PTPRO: variants seen among roughly 807,000 people sequenced by gnomAD.
PTPRO encodes protein tyrosine phosphatase receptor type O.
Under a neutral mutation model 145.2 loss-of-function variants are expected in PTPRO, and 62 were observed. The ratio of observed to expected loss-of-function variants is 0.43; its 90% CI spans 0.35 to 0.53. The LOEUF is 0.53. PTPRO is among the 20% of genes least tolerant of loss of function. The pLI is 0.01. For missense variants in PTPRO, 1,345 were observed against 1,482.7 expected, an observed-to-expected ratio of 0.91 and a Z score of 1.53; for synonymous variants, 565 against 514.7, an observed-to-expected ratio of 1.10 and a Z score of -1.32.
intron 17 of PTPRO, among the ~76,000 whole-genome samples, chr12:15,563,420 T>C (rs557116920): frequency 6.6e-6 from 1 of 152,278 alleles, no homozygotes; most frequent in African/African-American, 2.4e-5. Flanking sequence ...GCACAGCAAT[T>C]GAAAATGTAG....
intron 18 of PTPRO, 58 bp downstream of exon 18, chr12:15,565,686 C>T (rs1943880874): frequency 8.3e-7 from 1 of 1,198,220 alleles, no homozygotes; most frequent in African/African-American, 1.5e-5. Flanking sequence ...TCTTAACGTT[C>T]CAATTAAAGA....
chr12:15,580,669 G>C, intron 21 of PTPRO, 28 bp from the exon 22 acceptor site: 1 of 1,613,872 alleles, frequency 6.2e-7, no homozygotes, highest in Non-Finnish European at 8.5e-7. Flanking sequence ...TGTCTGGTTA[G>C]GTGATAATTT....
At chr12:15,438,362 C>G (rs973622128) in intron 1 of PTPRO, among the ~76,000 whole-genome samples, 5 of 151,930 alleles carry the variant, frequency 3.3e-5, no homozygotes, top group African/African-American at 1.2e-4. Context: ...GGTCCCTAGC[C>G]AAAATGGAAA....
At chr12:15,505,332 T>C (rs543042487) in intron 6 of PTPRO, among the ~76,000 whole-genome samples, 1 of 152,336 alleles carries the variant, frequency 6.6e-6, no homozygotes, top group Non-Finnish European at 1.5e-5. Flanking sequence ...TGTCAAGTTG[T>C]AAAATCCCAG....
intron 1 of PTPRO, among the ~76,000 whole-genome samples, chr12:15,406,342 A>T (rs767676139): frequency 6.6e-6 from 1 of 152,244 alleles, no homozygotes; most frequent in Non-Finnish European, 1.5e-5. Flanking sequence ...CCCAGAAAAG[A>T]TATAAAGAGC....
intron 1 of PTPRO, among the ~76,000 whole-genome samples, chr12:15,457,147 T>A (rs1183955503): frequency 6.6e-6 from 1 of 152,192 alleles, no homozygotes; most frequent in Non-Finnish European, 1.5e-5. Flanking sequence ...TTCGGACTCT[T>A]GGACTTGCAT....
At chr12:15,369,902 C>G (rs1334487949) in intron 1 of PTPRO, among the ~76,000 whole-genome samples, 1 of 151,850 alleles carries the variant, frequency 6.6e-6, no homozygotes, top group Non-Finnish European at 1.5e-5. Context: ...AAATACAAAA[C>G]TTAGCCAGGC....
At chr12:15,476,001 G>A (rs753302642) in intron 1 of PTPRO, among the ~76,000 whole-genome samples, 10 of 152,144 alleles carry the variant, frequency 6.6e-5, no homozygotes, top group Non-Finnish European at 1.5e-4. Context: ...TGTAAGGAAA[G>A]CAAAAAGATA....
chr12:15,343,060 G>A (rs139031992), intron 1 of PTPRO, among the ~76,000 whole-genome samples: 97 of 152,154 alleles, frequency 6.4e-4, no homozygotes, highest in African/African-American at 1.6e-3. Context: ...CATTTGCCTT[G>A]TCCATCTTCT....
intron 1 of PTPRO, among the ~76,000 whole-genome samples, chr12:15,384,206 G>C (rs1476225592): frequency 6.6e-6 from 1 of 152,060 alleles, no homozygotes; most frequent in Non-Finnish European, 1.5e-5. Flanking sequence ...AGTTGGTTGG[G>C]GGCCAGGGAG....
intron 1 of PTPRO, among the ~76,000 whole-genome samples, chr12:15,475,850 C>T (rs571563537): frequency 5.3e-5 from 8 of 151,900 alleles, no homozygotes; most frequent in African/African-American, 7.2e-5. Flanking sequence ...TAATTTGTAT[C>T]GACTAGATGA....
At chr12:15,439,350 A>G (rs148349129) in intron 1 of PTPRO, among the ~76,000 whole-genome samples, 3 of 152,266 alleles carry the variant, frequency 2.0e-5, no homozygotes, top group African/African-American at 7.2e-5. Context: ...AGACCATATA[A>G]AGCAACTACA....
At chr12:15,543,285 C>T (rs561293652) in intron 12 of PTPRO, among the ~76,000 whole-genome samples, 5 of 152,298 alleles carry the variant, frequency 3.3e-5, no homozygotes, top group Admixed American at 6.5e-5. Context: ...AAATTTGTTA[C>T]GTGGTTGTTA....
intron 1 of PTPRO, among the ~76,000 whole-genome samples, chr12:15,448,624 CA>C (rs1285722422): frequency 3.3e-5 from 5 of 151,688 alleles, no homozygotes; most frequent in African/African-American, 9.7e-5. Context: ...GGAGGCCTCT[CA>C]AAAAATTAAA....
At chr12:15,353,515 G>A (rs535099394) in intron 1 of PTPRO, among the ~76,000 whole-genome samples, 26 of 152,082 alleles carry the variant, frequency 1.7e-4, no homozygotes, top group Non-Finnish European at 3.4e-4. Context: ...AAATCAGGAC[G>A]ATAAGTTGGA....
intron 1 of PTPRO, among the ~76,000 whole-genome samples, chr12:15,338,035 C>G (rs1218994626): frequency 6.6e-6 from 1 of 152,174 alleles, no homozygotes; most frequent in African/African-American, 2.4e-5. Flanking sequence ...TCTGGACATA[C>G]ACTCACAAAT....
chr12:15,577,813 G>C (rs1944219606), intron 19 of PTPRO, among the ~76,000 whole-genome samples: 1 of 152,046 alleles, frequency 6.6e-6, no homozygotes, highest in Non-Finnish European at 1.5e-5. Flanking sequence ...CAACTCCAGT[G>C]AACACCGTTC....
intron 12 of PTPRO, among the ~76,000 whole-genome samples, chr12:15,533,995 G>A (rs900351528): frequency 6.6e-6 from 1 of 152,046 alleles, no homozygotes; most frequent in African/African-American, 2.4e-5. Flanking sequence ...CATGTGCAAG[G>A]GTAGAGAGCC....
chr12:15,577,612 C>G (rs1484148576), intron 19 of PTPRO, among the ~76,000 whole-genome samples: 1 of 152,116 alleles, frequency 6.6e-6, no homozygotes, highest in African/African-American at 2.4e-5. Context: ...AACTTGTGCT[C>G]AATATTAACA....
Sources: gnomAD v4.1 joint callset for allele counts (sites outside exome capture counted in the v4.1 genomes callset) on GRCh38, gnomAD v4.1.1 for gene constraint, MANE v1.5 for transcripts, NCBI Gene and HGNC (gene_info 2026-07-23, HGNC 2026-07-21) for gene names.